WDR33: variants seen among roughly 807,000 people sequenced by gnomAD.
WDR33 encodes pre-mRNA 3' end processing protein WDR33.
In WDR33, 47 loss-of-function variants were observed where a neutral mutation model predicts 164.9. The ratio of observed to expected loss-of-function variants is 0.29; its 90% CI spans 0.23 to 0.36. WDR33 has a LOEUF of 0.36. Among genes scored for constraint, WDR33 ranks in the 10% least tolerant of loss-of-function variants. The probability of loss-of-function intolerance (pLI) is 1.00; values close to 1 mark genes in which losing one functional copy is unlikely to be tolerated. For missense variants in WDR33, 1,137 were observed against 1,754.1 expected, an observed-to-expected ratio of 0.65 and a Z score of 6.28; for synonymous variants, 505 against 589.0, an observed-to-expected ratio of 0.86 and a Z score of 2.06.
In WDR33 at chr2:127,714,074, T is replaced by C; in HGVS notation, c.2870-53A>G. 7.5e-6 allele frequency: 11 copies of C among 1,465,724 alleles called. No homozygotes were observed. Among genetic ancestry groups the C allele is most frequent in the Non-Finnish European group, 9.9e-6 (11 of 1,108,852 alleles). 90.8% of individuals were successfully genotyped at this position (1,465,724 alleles called of 1,614,324 possible). A position where few individuals can be genotyped will look rare whatever the true frequency, so the allele number is the denominator to read the frequency against. On this transcript the variant is annotated intron_variant, in intron 17 of 21. Coordinates refer to ENST00000322313, the MANE Select transcript of WDR33 (RefSeq NM_018383.5). The surrounding 1 kb of genome is among the most constrained non-coding windows in gnomAD (Gnocchi z 4.3). ...ATGTCTTCCAGGAAACCTGCCAACA[T>C]AGGTCTGATCTGTAGCATCTCTACA...
chr2:127,712,142 TC>T lies in WDR33; in HGVS notation c.3308+1440del, dbSNP rs1012982289. 8.6e-5 allele frequency among the ~76,000 whole-genome samples: 13 copies of T among 151,616 alleles called. No individual in the cohort carries two copies. Among genetic ancestry groups the T allele is most frequent in the Non-Finnish European group, 1.6e-4 (11 of 67,876 alleles). On this transcript the variant is annotated intron_variant, in intron 18 of 21. Transcript: ENST00000322313. This position sits in a 1 kb window ranked among gnomAD's most constrained non-coding sequence, Gnocchi z 4.0. ...CAGGCGCAGTGGCTCACGCCTATAA[TC>T]CCTGCACTCTGGGGGGGCTGAAGAA... is the stretch of plus-strand genomic sequence containing the variant.
chr2:127,800,631 C>T (rs1474881666), intron 1 of WDR33, among the ~76,000 whole-genome samples: 87 of 97,754 alleles, frequency 8.9e-4, no homozygotes, highest in Admixed American at 2.5e-3. Context: ...AATGAGACTC[C>T]GTCTCAAAAA....
intron 8 of WDR33, among the ~76,000 whole-genome samples, chr2:127,725,629 G>A (rs1316880891): frequency 6.6e-6 from 1 of 152,056 alleles, no homozygotes; most frequent in Non-Finnish European, 1.5e-5. Flanking sequence ...AGCTACTCAG[G>A]AGGCTGAGGC....
rs1200108528 is a variant in WDR33 at position 127,705,907 on chromosome 2, C to G, written c.*416G>C. 1 of 165,428 alleles carries G rather than the reference C, an allele frequency of 6.0e-6. No homozygotes were observed. Among genetic ancestry groups the G allele is most frequent in the African/African-American group, 2.4e-5 (1 of 42,072 alleles). 10.2% of individuals were successfully genotyped at this position (165,428 alleles called of 1,614,324 possible). ...AGGTTTCCTTAAGGCAAGCACTTCA[C>G]AACTAGTTTTCTGTCAATTCTTGCG... On this transcript the variant is annotated 3_prime_UTR_variant, in exon 22 of 22. Transcript: ENST00000322313. This position sits in a 1 kb window ranked among gnomAD's most constrained non-coding sequence, Gnocchi z 4.5.
chr2:127,701,309 C>T lies in WDR33; in HGVS notation c.*5014G>A, dbSNP rs954247860. On this transcript the variant is annotated 3_prime_UTR_variant, in exon 22 of 22. Transcript: ENST00000322313. ...ACTCCGAACAAGGAAGAGGGTCAGG[C>T]GCTGGGAGGGCGACTGCAAGCGGAC... 8 of 367,424 alleles carry T rather than the reference C, an allele frequency of 2.2e-5. No individual in the cohort carries two copies. The highest frequency in any genetic ancestry group is 1.7e-4 in the African/African-American group (8 of 47,398). The allele number at this position is 367,424 out of a possible 1,614,324, so 22.8% of individuals were successfully genotyped here. A position where few individuals can be genotyped will look rare whatever the true frequency, so the allele number is the denominator to read the frequency against.
In WDR33 at chr2:127,763,183, G is replaced by A; in HGVS notation, c.627-24C>T. On this transcript the variant is annotated intron_variant, in intron 6 of 21. Transcript: ENST00000322313. The surrounding 1 kb of genome is among the most constrained non-coding windows in gnomAD (Gnocchi z 4.5). ...AACTGTTACATGAAGACACACAGCA[G>A]GGGAAAGAAGTCAGCATTTAACAGA... The A allele has an allele frequency of 1.9e-6, 3 of 1,613,812 alleles. No individual in the cohort carries two copies. Among genetic ancestry groups the A allele is most frequent in the Non-Finnish European group, 2.5e-6 (3 of 1,179,784 alleles).
chr2:127,797,078 G>C (rs1388693456), intron 1 of WDR33, among the ~76,000 whole-genome samples: 2 of 151,964 alleles, frequency 1.3e-5, no homozygotes, highest in Admixed American at 6.6e-5. Context: ...CCATGGCAGG[G>C]AAAATTTTCC....
chr2:127,764,617 T>C lies in WDR33; in HGVS notation c.626+211A>G, dbSNP rs762562360. On this transcript the variant is annotated intron_variant, in intron 6 of 21. Transcript: ENST00000322313. The surrounding 1 kb of genome is among the most constrained non-coding windows in gnomAD (Gnocchi z 6.2). The stretch of plus-strand genomic sequence containing the variant: ...CGGCAGACAGTACATCTCTAACATA[T>C]TGCAAAGGCTGATACCGGGACAACA... 9 of 1,553,654 alleles carry C rather than the reference T, an allele frequency of 5.8e-6. No homozygotes were observed. The highest frequency in any genetic ancestry group is 7.8e-6 in the Non-Finnish European group (9 of 1,147,778).
intron 1 of WDR33, among the ~76,000 whole-genome samples, chr2:127,781,824 C>A (rs1426886606): frequency 3.3e-5 from 5 of 151,454 alleles, no homozygotes; most frequent in Non-Finnish European, 7.4e-5. Context: ...CATGGAGAAA[C>A]CCCGTCTCTA....
chr2:127,750,645 C>T (rs1687297719), intron 7 of WDR33, among the ~76,000 whole-genome samples: 1 of 61,078 alleles, frequency 1.6e-5, no homozygotes, highest in Admixed American at 2.4e-4. Flanking sequence ...AGTGAAACTC[C>T]ATCTTAAAAA....
chr2:127,731,615 T>C (rs1330358396), intron 7 of WDR33, among the ~76,000 whole-genome samples: 1 of 152,172 alleles, frequency 6.6e-6, no homozygotes, highest in African/African-American at 2.4e-5. Flanking sequence ...TGAGAGGTTA[T>C]TTAAGAAAAT....
intron 7 of WDR33, among the ~76,000 whole-genome samples, chr2:127,750,426 C>T (rs1041624914): frequency 6.6e-6 from 1 of 151,284 alleles, no homozygotes; most frequent in Non-Finnish European, 1.5e-5. Context: ...GCAGATGAAT[C>T]ACTTGAGGTT....
In WDR33 at chr2:127,719,679, T is replaced by C. The variant is rs767164018; in HGVS notation, c.2346A>G (p.Arg782=). The C allele has an allele frequency of 7.4e-6, 12 of 1,613,518 alleles. No individual in the cohort carries two copies. In the South Asian group the frequency reaches 1.3e-4, roughly 18 times the overall value. ...GGGGGCCTGGAGGCCCCTGCATTCCTCTTGGATTCAATCCCATCAGAGGTC... is the reference window on the plus strand; with the variant it reads ...GGGGGCCTGGAGGCCCCTGCATTCCCCTTGGATTCAATCCCATCAGAGGTC... ...SQGPLMGLNP[R]GMQGPPGPRE... The change falls in exon 16 of 22, where the codon AGA becomes AGG. Residue 782 remains arginine, a synonymous_variant. Coordinates refer to ENST00000322313, the MANE Select transcript of WDR33 (RefSeq NM_018383.5). This position sits in a 1 kb window ranked among gnomAD's most constrained non-coding sequence, Gnocchi z 6.5.
rs1686500419 is a variant in WDR33 at position 127,723,869 on chromosome 2, G to A, written c.1196+464C>T. ...AGGCAGGAGGATTGCCTAAGCCCAG[G>A]AGTTTGACATCAGCCTGGGCAACAT... is the stretch of plus-strand genomic sequence containing the variant. On this transcript the variant is annotated intron_variant, in intron 11 of 21. Coordinates refer to ENST00000322313, the MANE Select transcript of WDR33 (RefSeq NM_018383.5). The surrounding 1 kb of genome is among the most constrained non-coding windows in gnomAD (Gnocchi z 5.9). Among the ~76,000 whole-genome samples, 1 of 152,150 alleles carries A rather than the reference G, an allele frequency of 6.6e-6. No individual in the cohort carries two copies. Among genetic ancestry groups the A allele is most frequent in the Admixed American group, 6.5e-5 (1 of 15,280 alleles).
intron 1 of WDR33, among the ~76,000 whole-genome samples, chr2:127,798,363 G>A (rs1250340673): frequency 4.7e-5 from 4 of 85,484 alleles, no homozygotes; most frequent in African/African-American, 2.2e-4. Context: ...GCGAGACACC[G>A]TCGCAAAAAA....
In WDR33 at chr2:127,765,053, A is replaced by G. The variant is rs1042782476; in HGVS notation, c.475-74T>C. 1.9e-6 allele frequency: 3 copies of G among 1,570,956 alleles called. No individual in the cohort carries two copies. In the Admixed American group the frequency reaches 5.3e-5, roughly 28 times the overall value. ...TATGACTAAAGGCTTACAAGAGCAT[A>G]TAACTGACTCGAGGTAATAATTCGT... On this transcript the variant is annotated intron_variant, in intron 5 of 21. Coordinates refer to ENST00000322313, the MANE Select transcript of WDR33 (RefSeq NM_018383.5).
chr2:127,767,101 G>C (rs1217673464), intron 4 of WDR33, among the ~76,000 whole-genome samples: 1 of 152,092 alleles, frequency 6.6e-6, no homozygotes, highest in African/African-American at 2.4e-5. Flanking sequence ...ACTAAATGCA[G>C]CTATTTCTAT....
Position 127,702,322 on chromosome 2 carries a change from G to A in WDR33, c.*4001C>T, listed in dbSNP as rs1685913710. ...AGCCTGCGAGTCTAATCCGGGAGCG[G>A]CTGCTGCCAGCGGAGGCGACAGCAG... is the stretch of plus-strand genomic sequence containing the variant. On this transcript the variant is annotated 3_prime_UTR_variant, in exon 22 of 22. Transcript: ENST00000322313. 3 of 863,466 alleles carry A rather than the reference G, an allele frequency of 3.5e-6. No homozygotes were observed. Among genetic ancestry groups the A allele is most frequent in the East Asian group, 9.3e-5 (2 of 21,426 alleles). 53.5% of individuals were successfully genotyped at this position (863,466 alleles called of 1,614,324 possible). A position where few individuals can be genotyped will look rare whatever the true frequency, so the allele number is the denominator to read the frequency against.
In WDR33 at chr2:127,709,490, C is replaced by T; in HGVS notation, c.3565G>A (p.Gly1189Arg). The T allele has an allele frequency of 1.2e-6, 2 of 1,613,854 alleles. No individual in the cohort carries two copies. Among genetic ancestry groups the T allele is most frequent in the Non-Finnish European group, 1.7e-6 (2 of 1,179,768 alleles). ...PDSWDGNREPGPGHEHFRDTP... is the reference protein window; with the variant it reads ...PDSWDGNREPRPGHEHFRDTP... ...CCCAACAAGCGGTTCTTTTCCTTAC[C>T]AGGCTCTCTGTTTCCATCCCAGGAA... Residue 1189 changes from glycine (G) to arginine (R), a missense_variant and splice_region_variant, in exon 20 of 22, where the codon GGG becomes AGG. By Grantham distance (125) the Gly-to-Arg change is moderately radical. Transcript: ENST00000322313. The surrounding 1 kb of genome is among the most constrained non-coding windows in gnomAD (Gnocchi z 5.0).
Sources: gnomAD v4.1 joint callset for allele counts (sites outside exome capture counted in the v4.1 genomes callset) on GRCh38, gnomAD v4.1.1 for gene constraint, Gnocchi (gnomAD v3.1) non-coding constraint, MANE v1.5 for transcripts, NCBI Gene and HGNC (gene_info 2026-07-23, HGNC 2026-07-21) for gene names.